Variants in BBS9 observed in about 807,000 individuals in gnomAD.
The protein encoded by BBS9 is Bardet-Biedl syndrome 9.
Under a neutral mutation model 117.7 loss-of-function variants are expected in BBS9, and 89 were observed. The ratio of observed to expected loss-of-function variants is 0.76; its 90% confidence interval spans 0.64 to 0.90. The LOEUF is 0.90. BBS9 is among the 40% of genes least tolerant of loss of function. The pLI is 0.00. For missense variants in BBS9, 982 were observed against 1,042.2 expected, an observed-to-expected ratio of 0.94 and a Z score of 0.80; for synonymous variants, 379 against 370.9, an observed-to-expected ratio of 1.02 and a Z score of -0.25.
intron 9 of BBS9, among the ~76,000 whole-genome samples, chr7:33,319,884 C>T (rs1280100379): frequency 6.6e-6 from 1 of 152,088 alleles, no homozygotes; most frequent in Admixed American, 6.5e-5. Context: ...ACTATCCTAT[C>T]AAAAAGTGGG....
At chr7:33,326,101 G>A (rs540003835) in intron 9 of BBS9, among the ~76,000 whole-genome samples, 29 of 152,018 alleles carry the variant, frequency 1.9e-4, no homozygotes, top group Non-Finnish European at 2.8e-4. Flanking sequence ...GGCCCCAGGC[G>A]GGTCCAGAGA....
At chr7:33,382,228 G>A (rs542244683) in intron 17 of BBS9, among the ~76,000 whole-genome samples, 6 of 152,280 alleles carry the variant, frequency 3.9e-5, no homozygotes, top group Admixed American at 2.6e-4. Context: ...TTGGGAGGCC[G>A]AGGTGGGTGG....
intron 9 of BBS9, among the ~76,000 whole-genome samples, chr7:33,311,816 C>CAA (rs36106860): frequency 5.9e-4 from 85 of 143,198 alleles, no homozygotes; most frequent in Middle Eastern, 3.6e-3. Flanking sequence ...GACTCCATCT[C>CAA]AAAAAAAAAA....
At chr7:33,474,775 A>G (rs979047071) in intron 19 of BBS9, among the ~76,000 whole-genome samples, 1 of 152,112 alleles carries the variant, frequency 6.6e-6, no homozygotes, top group African/African-American at 2.4e-5. Context: ...GTGAAATCCC[A>G]TTTCTACTAA....
intron 20 of BBS9, among the ~76,000 whole-genome samples, chr7:33,519,810 C>T (rs981917511): frequency 1.3e-5 from 2 of 152,030 alleles, no homozygotes; most frequent in African/African-American, 4.8e-5. Context: ...CTCTGGGCCA[C>T]AGTGGTCAAG....
At chr7:33,588,798 A>C (rs1234889523) in intron 21 of BBS9, among the ~76,000 whole-genome samples, 1 of 152,096 alleles carries the variant, frequency 6.6e-6, no homozygotes, top group African/African-American at 2.4e-5. Flanking sequence ...TCAGAGGGAC[A>C]AGTGTTTCAG....
At position 33,383,608 on chromosome 7, in the gene BBS9, T is replaced by G. The variant is rs6977758; in HGVS notation, c.1790-58T>G. On this transcript the variant is annotated intron_variant, in intron 17 of 22. Coordinates refer to ENST00000242067, the MANE Select transcript of BBS9 (RefSeq NM_198428.3). ...AAGTCAGGATTAGTGATAGTTCATG[T>G]AGCTTTATCTAGTAATTCTGTGTTA... 6.8e-4 allele frequency: 981 copies of G among 1,445,220 alleles called. 4 individuals carry two copies. The African/African-American group carries it at 0.012, about 18-fold the overall frequency. The allele number at this position is 1,445,220 out of a possible 1,614,324, so 89.5% of individuals were successfully genotyped here.
At chr7:33,617,044 CT>C (rs982833524) in intron 21 of BBS9, among the ~76,000 whole-genome samples, 3 of 150,718 alleles carry the variant, frequency 2.0e-5, no homozygotes, top group African/African-American at 2.4e-5. Flanking sequence ...TGACTTCATT[CT>C]TTTTTTTTAA....
chr7:33,555,876 G>A (rs1855209276), intron 21 of BBS9, among the ~76,000 whole-genome samples: 1 of 152,068 alleles, frequency 6.6e-6, no homozygotes, highest in African/African-American at 2.4e-5. Context: ...TTAATTATTA[G>A]CTGTTTCATA....
At chr7:33,303,519 C>A (rs1420572675) in intron 9 of BBS9, among the ~76,000 whole-genome samples, 4 of 60,680 alleles carry the variant, frequency 6.6e-5, no homozygotes, top group African/African-American at 9.0e-5. Context: ...TGAAATGATC[C>A]CCTCCCCCCG....
chr7:33,513,427 T>C (rs887562844), intron 20 of BBS9, among the ~76,000 whole-genome samples: 6 of 152,112 alleles, frequency 3.9e-5, no homozygotes, highest in Admixed American at 1.3e-4. Context: ...TATTCTACAT[T>C]CCCACAGAAT....
intron 9 of BBS9, among the ~76,000 whole-genome samples, chr7:33,285,968 G>A (rs911670891): frequency 6.6e-6 from 1 of 151,802 alleles, no homozygotes; most frequent in Non-Finnish European, 1.5e-5. Context: ...CAATATCATA[G>A]TAATTACAGT....
chr7:33,519,144 T>A (rs1848240523), intron 20 of BBS9, among the ~76,000 whole-genome samples: 2 of 152,314 alleles, frequency 1.3e-5, no homozygotes, highest in South Asian at 2.1e-4. Flanking sequence ...AGTGGTTTCA[T>A]GTATTTTTAG....
intron 19 of BBS9, among the ~76,000 whole-genome samples, chr7:33,417,543 A>G (rs1832203911): frequency 6.6e-6 from 1 of 152,214 alleles, no homozygotes; most frequent in African/African-American, 2.4e-5. Context: ...ATTTTGAACA[A>G]TTTGTAGTGA....
At chr7:33,574,783 A>T (rs536636907) in intron 21 of BBS9, among the ~76,000 whole-genome samples, 18 of 150,816 alleles carry the variant, frequency 1.2e-4, no homozygotes, top group Admixed American at 2.6e-4. Context: ...TGTGTAAACT[A>T]TATAGAGAGA....
intron 9 of BBS9, among the ~76,000 whole-genome samples, chr7:33,315,119 CG>C (rs1810200634): frequency 6.6e-6 from 1 of 152,148 alleles, no homozygotes; most frequent in Non-Finnish European, 1.5e-5. Context: ...CAAATTACAA[CG>C]AAGTTGGTGA....
At chr7:33,239,726 T>A (rs1171917683) in intron 5 of BBS9, among the ~76,000 whole-genome samples, 2 of 152,210 alleles carry the variant, frequency 1.3e-5, no homozygotes, top group Non-Finnish European at 2.9e-5. Context: ...TTTTTAGATA[T>A]GGACTAGGCA....
intron 9 of BBS9, among the ~76,000 whole-genome samples, chr7:33,305,137 T>TAAA (rs75957203): frequency 7.2e-6 from 1 of 139,198 alleles, no homozygotes; most frequent in African/African-American, 2.7e-5. Flanking sequence ...CAATAAATAT[T>TAAA]AAAAAAAAAA....
chr7:33,335,922 C>T (rs536990334), intron 9 of BBS9, among the ~76,000 whole-genome samples: 3 of 152,088 alleles, frequency 2.0e-5, no homozygotes, highest in South Asian at 2.1e-4. Context: ...GAGGAAAGAC[C>T]GGGGGCACTT....
Sources: gnomAD v4.1 joint callset for allele counts (sites outside exome capture counted in the v4.1 genomes callset) on GRCh38, gnomAD v4.1.1 for gene constraint, MANE v1.5 for transcripts, NCBI Gene and HGNC (gene_info 2026-07-23, HGNC 2026-07-21) for gene names.